Variants in RRAGD observed in about 807,000 individuals in gnomAD.
The protein encoded by RRAGD is ras-related GTP-binding protein D.
In RRAGD, 12 loss-of-function variants were observed where a neutral mutation model predicts 35.5. That is an observed-to-expected ratio of 0.34 (90% CI 0.22 to 0.55). The LOEUF is 0.55. RRAGD is among the 20% of genes least tolerant of loss of function. RRAGD has a pLI of 0.91. For synonymous variants in RRAGD, 155 were observed against 178.9 expected (o/e 0.87, Z 1.07); for missense variants, 324 against 490.1 (o/e 0.66, Z 3.20).
At chr6:89,390,133 C>A (rs963643290) in intron 1 of RRAGD, among the ~76,000 whole-genome samples, 3 of 151,982 alleles carry the variant, frequency 2.0e-5, no homozygotes, top group Non-Finnish European at 2.9e-5. Flanking sequence ...GGCAACCTTG[C>A]ATTAGGCAAT....
At chr6:89,381,589 T>C (rs1401085627) in intron 2 of RRAGD, among the ~76,000 whole-genome samples, 2 of 152,204 alleles carry the variant, frequency 1.3e-5, no homozygotes, top group African/African-American at 4.8e-5. Context: ...ACATCACATA[T>C]AATTCATTTA....
At chr6:89,398,546 G>C (rs890421479) in intron 1 of RRAGD, among the ~76,000 whole-genome samples, 2 of 152,224 alleles carry the variant, frequency 1.3e-5, no homozygotes, top group African/African-American at 4.8e-5. Context: ...ATGGGGTTGA[G>C]AGAAGGAGCA....
At chr6:89,380,403 C>T (rs545490141) in intron 2 of RRAGD, 36 bp from the exon 3 acceptor site, 1 of 1,586,386 alleles carries the variant, frequency 6.3e-7, no homozygotes, top group South Asian at 1.1e-5. Context: ...GAGAAGGCCG[C>T]TTTGCTTCCT....
chr6:89,404,062 A>T (rs1221431643), intron 1 of RRAGD, among the ~76,000 whole-genome samples: 1 of 152,162 alleles, frequency 6.6e-6, no homozygotes, highest in African/African-American at 2.4e-5. Flanking sequence ...AGAATAAAAA[A>T]CGGTTGTCAT....
At chr6:89,404,760 A>G (rs1582525042) in intron 1 of RRAGD, among the ~76,000 whole-genome samples, 2 of 152,202 alleles carry the variant, frequency 1.3e-5, no homozygotes, top group Non-Finnish European at 2.9e-5. Flanking sequence ...CTCGAGTACA[A>G]CAGGGCTGCC....
chr6:89,393,458 A>C (rs189383956), intron 1 of RRAGD, among the ~76,000 whole-genome samples: 2 of 152,334 alleles, frequency 1.3e-5, no homozygotes, highest in Admixed American at 1.3e-4. Flanking sequence ...CCCTACACAC[A>C]CTAGGATATC....
intron 1 of RRAGD, among the ~76,000 whole-genome samples, chr6:89,407,238 G>A (rs904616021): frequency 3.6e-4 from 55 of 152,130 alleles, no homozygotes; most frequent in Non-Finnish European, 1.5e-4. Flanking sequence ...GCAGAACCAG[G>A]AAAGGCCATC....
intron 1 of RRAGD, among the ~76,000 whole-genome samples, chr6:89,391,998 G>A (rs975296040): frequency 6.6e-6 from 1 of 151,170 alleles, no homozygotes; most frequent in African/African-American, 2.4e-5. Flanking sequence ...AAACAGTGGT[G>A]ATAATTGCAC....
intron 2 of RRAGD, 40 bp from the exon 3 acceptor site, chr6:89,380,407 G>A: frequency 6.4e-7 from 1 of 1,565,618 alleles, no homozygotes; most frequent in South Asian, 1.1e-5. Context: ...AGGCCGCTTT[G>A]CTTCCTGAGC....
In RRAGD at chr6:89,411,698, G is replaced by C; in HGVS notation, c.148+148C>G. 1 of 867,372 alleles carries C rather than the reference G, an allele frequency of 1.2e-6. No individual in the cohort carries two copies. The highest frequency in any genetic ancestry group is 1.7e-6 in the Non-Finnish European group (1 of 590,934). The allele number at this position is 867,372 out of a possible 1,614,324, so 53.7% of individuals were successfully genotyped here. A position where few individuals can be genotyped will look rare whatever the true frequency, so the allele number is the denominator to read the frequency against. ...TTGGCAGCTCGAGGTCGGGCTTTTG[G>C]CGTCCCTCCCCACCCCAAACCCTCA... On this transcript the variant is annotated intron_variant, in intron 1 of 6. Transcript: ENST00000369415. This position sits in a 1 kb window ranked among gnomAD's most constrained non-coding sequence, Gnocchi z 5.6.
At chr6:89,398,566 T>C (rs531038629) in intron 1 of RRAGD, among the ~76,000 whole-genome samples, 1 of 152,240 alleles carries the variant, frequency 6.6e-6, no homozygotes, top group East Asian at 1.9e-4. Context: ...AGGCAGGAGC[T>C]CCTCCAGAAG....
chr6:89,410,767 TAGAG>T (rs1428141211), intron 1 of RRAGD, among the ~76,000 whole-genome samples: 1 of 152,254 alleles, frequency 6.6e-6, no homozygotes, highest in Non-Finnish European at 1.5e-5. Flanking sequence ...AAGCTTTGCA[TAGAG>T]AATTTAAAAT....
At chr6:89,390,296 T>C (rs530441531) in intron 1 of RRAGD, among the ~76,000 whole-genome samples, 1 of 152,286 alleles carries the variant, frequency 6.6e-6, no homozygotes, top group African/African-American at 2.4e-5. Flanking sequence ...GTATCCCGAA[T>C]ATATAAAGAA....
Position 89,371,214 on chromosome 6 carries a change from C to T in RRAGD, c.1051+1223G>A, listed in dbSNP as rs371281130. Among the ~76,000 whole-genome samples, 4 of 151,874 alleles carry T rather than the reference C, an allele frequency of 2.6e-5. No homozygotes were observed. In the East Asian group the frequency reaches 5.8e-4, roughly 22 times the overall value. ...GAGGAAATAAGAGAGAAGGGCCAGA[C>T]GTGGTGGCTCACTCCTTTAATCCCA... On this transcript the variant is annotated intron_variant, in intron 6 of 6. Coordinates refer to ENST00000369415, the MANE Select transcript of RRAGD (RefSeq NM_021244.5).
rs1554203293 is a variant in RRAGD at position 89,376,300 on chromosome 6, G to GGGGTGTGTGCGTGTGT, written c.902+1370_902+1371insACACACGCACACACCC. Among the ~76,000 whole-genome samples the GGGGTGTGTGCGTGTGT allele has an allele frequency of 1.9e-4, 27 of 141,858 alleles. No individual in the cohort carries two copies. In the South Asian group the frequency reaches 5.2e-3, roughly 27 times the overall value. The allele number at this position is 141,858 out of a possible 152,430, so 93.1% of individuals were successfully genotyped here. A position where few individuals can be genotyped will look rare whatever the true frequency, so the allele number is the denominator to read the frequency against. On this transcript the variant is annotated intron_variant, in intron 5 of 6. Transcript: ENST00000369415. The stretch of plus-strand genomic sequence containing the variant: ...TAAGTATCACTTTCCATGTGTGTGT[G>GGGGTGTGTGCGTGTGT]GTGTGTGTGTGTGTGTGTGTGTGTG...
At chr6:89,370,540 A>G (rs1768836873) in intron 6 of RRAGD, among the ~76,000 whole-genome samples, 2 of 152,196 alleles carry the variant, frequency 1.3e-5, no homozygotes, top group African/African-American at 4.8e-5. Flanking sequence ...GAAGCCCCCA[A>G]AATGGGCCTA....
intron 5 of RRAGD, among the ~76,000 whole-genome samples, chr6:89,376,103 T>C (rs1308220834): frequency 6.6e-6 from 1 of 152,182 alleles, no homozygotes; most frequent in African/African-American, 2.4e-5. Context: ...GGTTTAAAAA[T>C]AATAGAATGC....
chr6:89,372,345 T>C, intron 6 of RRAGD, 92 bp downstream of exon 6: 2 of 1,365,048 alleles, frequency 1.5e-6, no homozygotes, highest in Non-Finnish European at 2.0e-6. Flanking sequence ...TCGAGGGCTA[T>C]GCTGTTGTCC....
In RRAGD at chr6:89,377,777, C is replaced by T. The variant is rs200010421; in HGVS notation, c.796G>A (p.Val266Ile). 19 of 1,606,934 alleles carry T rather than the reference C, an allele frequency of 1.2e-5. No homozygotes were observed. The highest frequency in any genetic ancestry group is 1.6e-5 in the Non-Finnish European group (19 of 1,177,898). Reference sequence around the variant, plus strand: ...TCAGTTGCAATATAAATTTTACTGACCACATCAAATAGAAATGCCTTTTCA... The same window carrying T: ...TCAGTTGCAATATAAATTTTACTGATCACATCAAATAGAAATGCCTTTTCA... ...GIEKAFLFDV[V>I]SKIYIATDST... is the part of the protein sequence containing the mutation. Residue 266 changes from valine (V) to isoleucine (I), a missense_variant, in exon 5 of 7, where the codon GTC (valine) becomes ATC (isoleucine). Val to Ile is a conservative substitution (Grantham distance 29). Coordinates refer to ENST00000369415, the MANE Select transcript of RRAGD (RefSeq NM_021244.5).
Sources: gnomAD v4.1 joint callset for allele counts (sites outside exome capture counted in the v4.1 genomes callset) on GRCh38, gnomAD v4.1.1 for gene constraint, Gnocchi (gnomAD v3.1) non-coding constraint, MANE v1.5 for transcripts, NCBI Gene and HGNC (gene_info 2026-07-23, HGNC 2026-07-21) for gene names.